ZMYND11: variants seen among roughly 807,000 people sequenced by gnomAD.
ZMYND11 encodes the protein zinc finger MYND domain-containing protein 11.
In ZMYND11, 9 loss-of-function variants were observed where a neutral mutation model predicts 84.9. The observed-to-expected ratio is 0.11, with a 90% CI of 0.06 to 0.18. ZMYND11 has a LOEUF of 0.18. ZMYND11 is among the 10% of genes least tolerant of loss of function. The pLI is 1.00. For synonymous variants in ZMYND11, 250 were observed against 244.1 expected (o/e 1.02, Z -0.23); for missense variants, 409 against 761.0 (o/e 0.54, Z 5.44).
intron 2 of ZMYND11, chr10:197,910 G>C: frequency 1.7e-6 from 1 of 588,294 alleles, no homozygotes; most frequent in Non-Finnish European, 3.0e-6. Flanking sequence ...TTCAATTTCA[G>C]ATGTGAAACA....
At chr10:178,742 A>G (rs1847199986) in intron 1 of ZMYND11, among the ~76,000 whole-genome samples, 1 of 152,194 alleles carries the variant, frequency 6.6e-6, no homozygotes, top group Non-Finnish European at 1.5e-5. Flanking sequence ...ATTCAGGAAT[A>G]CCTTTAAACA....
At chr10:241,962 G>T in intron 9 of ZMYND11, 59 bp from the exon 10 acceptor site, 1 of 1,570,984 alleles carries the variant, frequency 6.4e-7, no homozygotes, top group Non-Finnish European at 8.7e-7. Context: ...AATATTAATG[G>T]TACACTTGCA....
chr10:223,747 A>C (rs1947575664), intron 4 of ZMYND11, among the ~76,000 whole-genome samples: 1 of 152,182 alleles, frequency 6.6e-6, no homozygotes, highest in Admixed American at 6.5e-5. Context: ...ATAATCTTGA[A>C]ATTGTAACGG....
At chr10:183,937 T>A (rs1848409549) in intron 2 of ZMYND11, among the ~76,000 whole-genome samples, 1 of 152,204 alleles carries the variant, frequency 6.6e-6, no homozygotes, top group Admixed American at 6.5e-5. Context: ...AGTTTTAAAA[T>A]GTATTTTAAG....
chr10:240,066 G>A lies in ZMYND11; in HGVS notation c.708G>A (p.Glu236=). Residue 236 remains glutamate, a synonymous_variant, in exon 8 of 15, where the codon GAG becomes GAA. Transcript: ENST00000381604. ...NTVIFYGADS[E]QADIARMLYK... ...TATTTTTAATTACAGCAGACAGTGA[G>A]CAAGCTGACATTGCGAGGATGCTAT... 1 of 1,611,644 alleles carries A rather than the reference G, an allele frequency of 6.2e-7. No homozygotes were observed. The highest frequency in any genetic ancestry group is 8.5e-7 in the Non-Finnish European group (1 of 1,178,724).
intron 2 of ZMYND11, among the ~76,000 whole-genome samples, chr10:202,627 G>T (rs906206609): frequency 2.0e-5 from 3 of 152,184 alleles, no homozygotes; most frequent in East Asian, 1.9e-4. Context: ...TCATTCGTGT[G>T]TGCTAGTTGC....
At chr10:154,332 C>T (rs1841165764) in intron 1 of ZMYND11, among the ~76,000 whole-genome samples, 1 of 152,210 alleles carries the variant, frequency 6.6e-6, no homozygotes, top group Non-Finnish European at 1.5e-5. Flanking sequence ...ACATCACAGC[C>T]TTCTTGCACT....
At chr10:228,593 G>A (rs1948506001) in intron 4 of ZMYND11, among the ~76,000 whole-genome samples, 1 of 152,180 alleles carries the variant, frequency 6.6e-6, no homozygotes. Context: ...TGTCAGCCCC[G>A]TTAATCAAAG....
chr10:243,591 C>T (rs1951497736), intron 10 of ZMYND11, among the ~76,000 whole-genome samples: 1 of 152,188 alleles, frequency 6.6e-6, no homozygotes, highest in Non-Finnish European at 1.5e-5. Context: ...TTAGGCCAGG[C>T]ACGGTGGCTC....
At chr10:248,021 T>C (rs1952532303) in intron 12 of ZMYND11, among the ~76,000 whole-genome samples, 4 of 152,220 alleles carry the variant, frequency 2.6e-5, no homozygotes. Flanking sequence ...TTATATTCTA[T>C]AAATTTCTGT....
chr10:222,697 T>G (rs147830707), intron 4 of ZMYND11, among the ~76,000 whole-genome samples: 1 of 151,672 alleles, frequency 6.6e-6, no homozygotes, highest in South Asian at 2.1e-4. Flanking sequence ...AGTAGAAAAT[T>G]AATGAGATCA....
chr10:189,334 C>G (rs540721579), intron 2 of ZMYND11, among the ~76,000 whole-genome samples: 1 of 152,252 alleles, frequency 6.6e-6, no homozygotes, highest in East Asian at 1.9e-4. Context: ...TTAAATTTTG[C>G]TATGTCTCAC....
chr10:136,745 A>G lies in ZMYND11; in HGVS notation c.-20+1186A>G, dbSNP rs1029680454. Among the ~76,000 whole-genome samples, 3 of 152,196 alleles carry G rather than the reference A, an allele frequency of 2.0e-5. No individual in the cohort carries two copies. In the South Asian group the frequency reaches 6.2e-4, roughly 31 times the overall value. On this transcript the variant is annotated intron_variant, in intron 1 of 14. Coordinates refer to ENST00000381604, the MANE Select transcript of ZMYND11 (RefSeq NM_001370100.5). ...CGGTGTGTATAGTACCAGGTGTCATATACTGTGTGCACACAGTACTTGGGG... is the reference window on the plus strand; with the variant it reads ...CGGTGTGTATAGTACCAGGTGTCATGTACTGTGTGCACACAGTACTTGGGG...
intron 4 of ZMYND11, among the ~76,000 whole-genome samples, chr10:226,335 C>CAGCAGAATA (rs1948126038): frequency 1.3e-5 from 2 of 152,162 alleles, no homozygotes; most frequent in Admixed American, 1.3e-4. Context: ...AAAAGTCTGT[C>CAGCAGAATA]AGCAGAATAG....
intron 2 of ZMYND11, among the ~76,000 whole-genome samples, chr10:200,205 G>GGGGTGTGT (rs1554774397): frequency 5.3e-5 from 7 of 132,434 alleles, no homozygotes; most frequent in African/African-American, 1.7e-4. Context: ...GCCTGGCTAG[G>GGGGTGTGT]GTGTGTGTGT....
intron 1 of ZMYND11, among the ~76,000 whole-genome samples, chr10:154,230 T>C (rs1841131128): frequency 6.6e-6 from 1 of 152,188 alleles, no homozygotes; most frequent in Non-Finnish European, 1.5e-5. Context: ...TCATTGACAT[T>C]GAACTCAAGG....
intron 1 of ZMYND11, among the ~76,000 whole-genome samples, chr10:160,630 T>C (rs771566294): frequency 1.3e-5 from 2 of 152,192 alleles, no homozygotes; most frequent in Non-Finnish European, 2.9e-5. Context: ...TGCTGCTTTA[T>C]CAACTAAGTT....
chr10:247,767 A>C (rs1952461710), intron 12 of ZMYND11, among the ~76,000 whole-genome samples: 1 of 152,188 alleles, frequency 6.6e-6, no homozygotes, highest in Non-Finnish European at 1.5e-5. Flanking sequence ...GGGAGCTCTG[A>C]TATTTTTCCT....
chr10:147,736 C>T (rs189801361), intron 1 of ZMYND11: 11 of 151,092 alleles, frequency 7.3e-5, no homozygotes, highest in African/African-American at 2.2e-4. Flanking sequence ...AGATGGATAT[C>T]GAAGGTATCA....
Sources: allele counts gnomAD v4.1 joint callset (sites outside exome capture counted in the v4.1 genomes callset), GRCh38; gene constraint gnomAD v4.1.1; transcripts MANE v1.5; gene names NCBI Gene and HGNC (gene_info 2026-07-23, HGNC 2026-07-21).